Variants in ABTB3 observed in about 807,000 individuals in gnomAD.
ABTB3 encodes ankyrin repeat and BTB domain containing 3, also known as ankyrin repeat- and BTB/POZ domain-containing protein 3.
At chr12:107,516,056 C>T in the ABTB3 span, among the ~76,000 whole-genome samples, 105 of 59,832 alleles carry the variant, frequency 1.8e-3, no homozygotes, top group Middle Eastern at 0.016. Flanking sequence ...TGTGTGTGTG[C>T]GCACACACAC....
At chr12:107,620,590 G>A in the ABTB3 span, among the ~76,000 whole-genome samples, 1 of 152,146 alleles carries the variant, frequency 6.6e-6, no homozygotes, top group South Asian at 2.1e-4. Context: ...CGCGGGGATG[G>A]ACGATAGGAA....
At chr12:107,652,427 C>T in the ABTB3 span, among the ~76,000 whole-genome samples, 1 of 152,194 alleles carries the variant, frequency 6.6e-6, no homozygotes, top group Non-Finnish European at 1.5e-5. Flanking sequence ...CTCATCAAAT[C>T]AGCCTCTGGG....
chr12:107,595,227 G>A, the ABTB3 span, among the ~76,000 whole-genome samples: 1 of 152,202 alleles, frequency 6.6e-6, no homozygotes, highest in Non-Finnish European at 1.5e-5. Context: ...AAGAAGGTAA[G>A]GCGTTGGGCT....
chr12:107,631,328 T>C, the ABTB3 span, among the ~76,000 whole-genome samples: 1 of 152,234 alleles, frequency 6.6e-6, no homozygotes, highest in African/African-American at 2.4e-5. Flanking sequence ...ATATTTACCA[T>C]GTTTTCTTTA....
At chr12:107,598,037 T>G in the ABTB3 span, among the ~76,000 whole-genome samples, 1 of 152,230 alleles carries the variant, frequency 6.6e-6, no homozygotes, top group African/African-American at 2.4e-5. Flanking sequence ...CCCTAGAGCA[T>G]TAGGCTCACC....
chr12:107,467,907 C>T, the ABTB3 span, among the ~76,000 whole-genome samples: 5 of 152,266 alleles, frequency 3.3e-5, no homozygotes, highest in Admixed American at 1.3e-4. Context: ...CAAGATGTGG[C>T]CACCAACTGA....
chr12:107,657,563 A>G, the ABTB3 span: 4 of 1,614,130 alleles, frequency 2.5e-6, no homozygotes, highest in Admixed American at 5.0e-5. Context: ...TCTCAAAAAC[A>G]TGATGGTCCT....
At chr12:107,423,738 A>G in the ABTB3 span, among the ~76,000 whole-genome samples, 1 of 152,226 alleles carries the variant, frequency 6.6e-6, no homozygotes, top group African/African-American at 2.4e-5. Flanking sequence ...ACAAGCTGAT[A>G]CCACTCCAGG....
chr12:107,473,942 T>A, the ABTB3 span, among the ~76,000 whole-genome samples: 7 of 151,670 alleles, frequency 4.6e-5, no homozygotes, highest in Admixed American at 2.0e-4. Context: ...ACCATCACAC[T>A]TGGCTAATTT....
the ABTB3 span, among the ~76,000 whole-genome samples, chr12:107,376,086 A>G: frequency 6.6e-6 from 1 of 152,012 alleles, no homozygotes; most frequent in Non-Finnish European, 1.5e-5. Flanking sequence ...TGTCCCCTAG[A>G]CAACCCCATG....
chr12:107,489,556 G>A, the ABTB3 span, among the ~76,000 whole-genome samples: 1 of 151,134 alleles, frequency 6.6e-6, no homozygotes, highest in African/African-American at 2.4e-5. Flanking sequence ...CAAACAAAAC[G>A]ATTCTTACTC....
chr12:107,320,943 T>C, the ABTB3 span, among the ~76,000 whole-genome samples: 2 of 152,094 alleles, frequency 1.3e-5, no homozygotes, highest in African/African-American at 2.4e-5. Flanking sequence ...CCCCACTGTT[T>C]TGAAGGCCTG....
At chr12:107,361,312 T>C in the ABTB3 span, among the ~76,000 whole-genome samples, 1 of 152,236 alleles carries the variant, frequency 6.6e-6, no homozygotes, top group African/African-American at 2.4e-5. Flanking sequence ...AGAATCATAT[T>C]GCACATACTG....
chr12:107,651,813 G>A, the ABTB3 span: 1 of 1,589,288 alleles, frequency 6.3e-7, no homozygotes, highest in South Asian at 1.1e-5. Context: ...CTCGCGCAGT[G>A]CGCACACAGG....
the ABTB3 span, among the ~76,000 whole-genome samples, chr12:107,412,694 C>T: frequency 1.3e-5 from 2 of 152,090 alleles, no homozygotes; most frequent in Admixed American, 1.3e-4. Context: ...GGTGCTCTTG[C>T]TGTGGGCAGT....
chr12:107,489,439 G>T, the ABTB3 span, among the ~76,000 whole-genome samples: 1 of 152,138 alleles, frequency 6.6e-6, no homozygotes, highest in Non-Finnish European at 1.5e-5. Flanking sequence ...AGAATCACTC[G>T]AACCTGGGAG....
the ABTB3 span, among the ~76,000 whole-genome samples, chr12:107,513,140 G>A: frequency 1.3e-5 from 2 of 152,252 alleles, no homozygotes; most frequent in Middle Eastern, 3.4e-3. Flanking sequence ...AGAGTGCCTG[G>A]CCCATAGTTT....
the ABTB3 span, chr12:107,659,043 G>A: frequency 6.6e-6 from 1 of 152,316 alleles, no homozygotes; most frequent in African/African-American, 2.4e-5. Context: ...CTTTCTTCTC[G>A]TTCTTTAATT....
the ABTB3 span, among the ~76,000 whole-genome samples, chr12:107,511,834 A>G: frequency 6.6e-6 from 1 of 152,080 alleles, no homozygotes; most frequent in African/African-American, 2.4e-5. Flanking sequence ...AAAGCATAAC[A>G]CTGCTTAATT....
Sources: allele counts gnomAD v4.1 joint callset (sites outside exome capture counted in the v4.1 genomes callset), GRCh38; gene constraint gnomAD v4.1.1; transcripts MANE v1.5; gene names NCBI Gene and HGNC (gene_info 2026-07-23, HGNC 2026-07-21).